Variants in HHAT observed in about 807,000 individuals in gnomAD.
The protein encoded by HHAT is hedgehog acyltransferase.
HHAT carries 47 observed loss-of-function variants against 70.8 expected under a neutral mutation model. The observed-to-expected ratio is 0.66, with a 90% CI of 0.53 to 0.85. The LOEUF is 0.85. HHAT is among the 40% of genes least tolerant of loss of function. HHAT has a pLI of 0.00. For synonymous variants in HHAT, 228 were observed against 247.6 expected (o/e 0.92, Z 0.74); for missense variants, 609 against 604.8 (o/e 1.01, Z -0.07).
At chr1:210,534,194 G>C (rs1320405209) in intron 9 of HHAT, among the ~76,000 whole-genome samples, 1 of 152,124 alleles carries the variant, frequency 6.6e-6, no homozygotes, top group Non-Finnish European at 1.5e-5. Flanking sequence ...GTCTGTGAGG[G>C]GCATCCATTC....
chr1:210,378,561 T>C (rs374448301), intron 3 of HHAT, among the ~76,000 whole-genome samples: 1 of 152,186 alleles, frequency 6.6e-6, no homozygotes, highest in East Asian at 1.9e-4. Context: ...TGATATACAA[T>C]AGTTGTATAA....
At chr1:210,347,923 G>A (rs1389985075) in intron 1 of HHAT, among the ~76,000 whole-genome samples, 1 of 152,236 alleles carries the variant, frequency 6.6e-6, no homozygotes, top group Non-Finnish European at 1.5e-5. Flanking sequence ...AGCTATTCAG[G>A]TGTCCACACT....
At chr1:210,530,265 T>A (rs1394791589) in intron 9 of HHAT, among the ~76,000 whole-genome samples, 1 of 152,132 alleles carries the variant, frequency 6.6e-6, no homozygotes, top group African/African-American at 2.4e-5. Context: ...CTTAGCACAT[T>A]TGAAATGTCA....
intron 6 of HHAT, among the ~76,000 whole-genome samples, chr1:210,407,538 A>T (rs2092380871): frequency 6.6e-6 from 1 of 152,230 alleles, no homozygotes; most frequent in African/African-American, 2.4e-5. Flanking sequence ...CCCAATTTAC[A>T]TACACAAAAT....
chr1:210,330,648 G>A (rs1030695643), intron 1 of HHAT, among the ~76,000 whole-genome samples: 2 of 152,130 alleles, frequency 1.3e-5, no homozygotes, highest in Admixed American at 6.5e-5. Flanking sequence ...GCGAGCATGG[G>A]CCTTACCTGC....
chr1:210,659,550 C>G (rs145702304), intron 11 of HHAT, among the ~76,000 whole-genome samples: 1 of 152,154 alleles, frequency 6.6e-6, no homozygotes, highest in African/African-American at 2.4e-5. Context: ...AAGAGGGAAT[C>G]CCCCCTAACT....
intron 8 of HHAT, among the ~76,000 whole-genome samples, chr1:210,473,390 T>C (rs1053856909): frequency 6.6e-6 from 1 of 152,036 alleles, no homozygotes; most frequent in African/African-American, 2.4e-5. Context: ...CCTGAACTAG[T>C]TTTTCAGGTC....
chr1:210,549,188 T>C (rs907121869), intron 9 of HHAT, among the ~76,000 whole-genome samples: 2 of 132,584 alleles, frequency 1.5e-5, no homozygotes, highest in Non-Finnish European at 3.1e-5. Context: ...TGTAAAGCTC[T>C]AAGGTAGGCA....
chr1:210,337,507 G>A (rs1457184197), intron 1 of HHAT, among the ~76,000 whole-genome samples: 1 of 152,134 alleles, frequency 6.6e-6, no homozygotes, highest in African/African-American at 2.4e-5. Context: ...AGGTTCTAGG[G>A]AACAATCTTT....
intron 8 of HHAT, among the ~76,000 whole-genome samples, chr1:210,471,638 A>G (rs538808950): frequency 1.3e-5 from 2 of 152,278 alleles, no homozygotes; most frequent in South Asian, 4.1e-4. Flanking sequence ...AACTCTAGTA[A>G]TAATAATCGT....
intron 9 of HHAT, among the ~76,000 whole-genome samples, chr1:210,544,367 G>GTTTTTTTTTTTTTTTTTTTTTTTTTCT (rs569514246): frequency 3.3e-5 from 3 of 90,066 alleles, no homozygotes; most frequent in Non-Finnish European, 2.1e-5. Context: ...TCTTTCTTTC[G>GTTTTTTTTTTTTTTTTTTTTTTTTTCT]TTTTTTTTTT....
intron 8 of HHAT, among the ~76,000 whole-genome samples, chr1:210,473,547 G>A (rs926731979): frequency 6.6e-6 from 1 of 152,132 alleles, no homozygotes; most frequent in African/African-American, 2.4e-5. Flanking sequence ...CTGGGTGAAT[G>A]GTGTGGGGCC....
chr1:210,354,195 C>CTTTT (rs71146220), intron 2 of HHAT, among the ~76,000 whole-genome samples: 6 of 102,614 alleles, frequency 5.8e-5, no homozygotes, highest in African/African-American at 1.7e-4. Flanking sequence ...AACATAATGT[C>CTTTT]TTTTTTTTTT....
chr1:210,621,812 G>A (rs560150851), intron 10 of HHAT, among the ~76,000 whole-genome samples: 1 of 152,180 alleles, frequency 6.6e-6, no homozygotes, highest in Non-Finnish European at 1.5e-5. Flanking sequence ...GAGCATTCCA[G>A]AACAACCATG....
At chr1:210,339,533 G>A (rs1284196482) in intron 1 of HHAT, among the ~76,000 whole-genome samples, 1 of 152,142 alleles carries the variant, frequency 6.6e-6, no homozygotes, top group Non-Finnish European at 1.5e-5. Flanking sequence ...TCTTGCCTCT[G>A]TTCTTTTGGA....
At chr1:210,477,708 G>T (rs554296318) in intron 8 of HHAT, among the ~76,000 whole-genome samples, 1 of 152,286 alleles carries the variant, frequency 6.6e-6, no homozygotes, top group East Asian at 1.9e-4. Flanking sequence ...TACATCGTGG[G>T]TATCCTACAG....
At chr1:210,552,869 T>C (rs1219706688) in intron 9 of HHAT, among the ~76,000 whole-genome samples, 1 of 152,236 alleles carries the variant, frequency 6.6e-6, no homozygotes, top group Non-Finnish European at 1.5e-5. Flanking sequence ...CCTCACAGAA[T>C]GATTCCTGCC....
At chr1:210,548,123 T>C (rs1008643841) in intron 9 of HHAT, among the ~76,000 whole-genome samples, 2 of 152,172 alleles carry the variant, frequency 1.3e-5, no homozygotes. Flanking sequence ...GAGTCGCCAT[T>C]GTCTTATGGA....
intron 9 of HHAT, among the ~76,000 whole-genome samples, chr1:210,582,771 T>C (rs1350114691): frequency 6.6e-6 from 1 of 152,206 alleles, no homozygotes; most frequent in Non-Finnish European, 1.5e-5. Context: ...GCAGGTGTTA[T>C]CTCTGCTTGT....
Sources: gnomAD v4.1 joint callset for allele counts (sites outside exome capture counted in the v4.1 genomes callset) on GRCh38, gnomAD v4.1.1 for gene constraint, MANE v1.5 for transcripts, NCBI Gene and HGNC (gene_info 2026-07-23, HGNC 2026-07-21) for gene names.